TMOD2: variants seen among roughly 807,000 people sequenced by gnomAD.
TMOD2 encodes tropomodulin 2, also known as tropomodulin-2.
In TMOD2, 22 loss-of-function variants were observed where a neutral mutation model predicts 39.9. That is an observed-to-expected ratio of 0.55 (90% CI 0.39 to 0.79). The LOEUF (loss-of-function observed/expected upper bound fraction) is 0.79. Among genes scored for constraint, TMOD2 ranks in the 30% least tolerant of loss-of-function variants. The pLI is 0.00. For missense variants in TMOD2, 386 were observed against 413.3 expected, an observed-to-expected ratio of 0.93 and a Z score of 0.57; for synonymous variants, 123 against 146.1, an observed-to-expected ratio of 0.84 and a Z score of 1.14.
intron 3 of TMOD2, among the ~76,000 whole-genome samples, chr15:51,769,922 C>G (rs1416222865): frequency 6.6e-6 from 1 of 152,040 alleles, no homozygotes; most frequent in Non-Finnish European, 1.5e-5. Context: ...TTCCCAGTTA[C>G]TTAGGAGCTG....
At chr15:51,769,148 T>C (rs1477196295) in intron 3 of TMOD2, among the ~76,000 whole-genome samples, 1 of 152,222 alleles carries the variant, frequency 6.6e-6, no homozygotes, top group East Asian at 1.9e-4. Context: ...GGCTAACTGC[T>C]TATGGTGTGA....
At chr15:51,806,332 C>G (rs762142753) in intron 8 of TMOD2, 45 bp from the exon 9 acceptor site, 1 of 1,605,942 alleles carries the variant, frequency 6.2e-7, no homozygotes, top group Non-Finnish European at 8.5e-7. Context: ...ACTGTTTCCT[C>G]TTCCTTCTTG....
At chr15:51,788,709 T>C (rs2055988408) in intron 7 of TMOD2, among the ~76,000 whole-genome samples, 1 of 152,182 alleles carries the variant, frequency 6.6e-6, no homozygotes, top group African/African-American at 2.4e-5. Context: ...TATTCAACAT[T>C]CTTAAAGAAA....
chr15:51,778,431 A>C (rs1397750033), intron 5 of TMOD2, among the ~76,000 whole-genome samples: 2 of 151,098 alleles, frequency 1.3e-5, no homozygotes, highest in East Asian at 3.9e-4. Flanking sequence ...ACACATGTAT[A>C]CATATGTAAC....
intron 7 of TMOD2, among the ~76,000 whole-genome samples, chr15:51,793,300 C>T (rs1009422577): frequency 6.6e-6 from 1 of 152,146 alleles, no homozygotes; most frequent in Non-Finnish European, 1.5e-5. Context: ...GTCAGGGACT[C>T]TCTGTATTGT....
chr15:51,797,159 T>C (rs2056056993), intron 7 of TMOD2, among the ~76,000 whole-genome samples: 1 of 152,246 alleles, frequency 6.6e-6, no homozygotes, highest in Admixed American at 6.5e-5. Context: ...GGGAATACTG[T>C]ACTTCATTCC....
At chr15:51,801,235 T>TCACA (rs745892590) in intron 8 of TMOD2, among the ~76,000 whole-genome samples, 4,005 of 108,556 alleles carry the variant, frequency 0.037, 53 homozygotes, top group Non-Finnish European at 0.046. Flanking sequence ...TCTCTCTCTC[T>TCACA]CTCACACACA....
At chr15:51,777,440 C>T (rs2055897181) in intron 5 of TMOD2, among the ~76,000 whole-genome samples, 1 of 152,110 alleles carries the variant, frequency 6.6e-6, no homozygotes, top group Non-Finnish European at 1.5e-5. Context: ...CTTTTTGTCT[C>T]AATAATAGAT....
intron 3 of TMOD2, among the ~76,000 whole-genome samples, chr15:51,772,674 A>G (rs1175243872): frequency 6.6e-6 from 1 of 152,194 alleles, no homozygotes; most frequent in East Asian, 1.9e-4. Context: ...CTCCGAGTAT[A>G]GTGACCCTGA....
intron 1 of TMOD2, among the ~76,000 whole-genome samples, chr15:51,760,349 C>T (rs756317668): frequency 6.4e-4 from 97 of 152,232 alleles, no homozygotes; most frequent in Admixed American, 1.0e-3. Context: ...TTCCCAGCCT[C>T]CAGAGGCTGC....
At chr15:51,767,804 C>A (rs1225356600) in intron 2 of TMOD2, among the ~76,000 whole-genome samples, 3 of 152,134 alleles carry the variant, frequency 2.0e-5, no homozygotes, top group Non-Finnish European at 4.4e-5. Flanking sequence ...AGGAAGGAAT[C>A]TGAAAGCTTT....
intron 8 of TMOD2, among the ~76,000 whole-genome samples, chr15:51,804,252 G>T (rs888289702): frequency 6.6e-6 from 1 of 152,168 alleles, no homozygotes; most frequent in Non-Finnish European, 1.5e-5. Flanking sequence ...ACTGCAATGG[G>T]ATTTGGCATA....
intron 4 of TMOD2, among the ~76,000 whole-genome samples, chr15:51,776,293 C>G (rs1423760273): frequency 1.3e-5 from 2 of 152,232 alleles, no homozygotes; most frequent in African/African-American, 4.8e-5. Context: ...AAAGGGAAAT[C>G]TGCGTAGCAG....
At chr15:51,778,158 T>TA (rs1487517292) in intron 5 of TMOD2, among the ~76,000 whole-genome samples, 4 of 151,460 alleles carry the variant, frequency 2.6e-5, no homozygotes, top group Non-Finnish European at 5.9e-5. Flanking sequence ...TATGCAGCCA[T>TA]AAAAAATGAT....
At chr15:51,753,744 T>C (rs1414675387) in intron 1 of TMOD2, among the ~76,000 whole-genome samples, 1 of 151,198 alleles carries the variant, frequency 6.6e-6, no homozygotes, top group East Asian at 1.9e-4. Flanking sequence ...CATCTGCAAC[T>C]TTCAGCTGTG....
At chr15:51,762,065 C>T (rs1595862083) in intron 1 of TMOD2, among the ~76,000 whole-genome samples, 1 of 151,482 alleles carries the variant, frequency 6.6e-6, no homozygotes, top group African/African-American at 2.4e-5. Context: ...AGGAGAATGG[C>T]ATGAACCCGG....
intron 9 of TMOD2, among the ~76,000 whole-genome samples, chr15:51,807,813 G>A (rs935170347): frequency 1.3e-5 from 2 of 152,170 alleles, no homozygotes; most frequent in Admixed American, 6.5e-5. Context: ...CCTGCAGTTG[G>A]GAGAGTGAAA....
At position 51,815,027 on chromosome 15, in the gene TMOD2, G is replaced by A. The variant is rs1199625723; in HGVS notation, c.*6573G>A. 1 of 152,208 alleles carries A rather than the reference G, an allele frequency of 6.6e-6. No homozygotes were observed. The highest frequency in any genetic ancestry group is 6.5e-5 in the Admixed American group (1 of 15,270). 9.4% of individuals were successfully genotyped at this position (152,208 alleles called of 1,614,324 possible). A position where few individuals can be genotyped will look rare whatever the true frequency, so the allele number is the denominator to read the frequency against. ...CTGTAATCCCAGCACTTTGGGAGGT[G>A]AAGGTGGGTGGATCACCTGAGGTCA... On this transcript the variant is annotated 3_prime_UTR_variant, in exon 10 of 10. Transcript: ENST00000249700.
At chr15:51,793,808 C>T (rs549094564) in intron 7 of TMOD2, among the ~76,000 whole-genome samples, 1 of 152,308 alleles carries the variant, frequency 6.6e-6, no homozygotes, top group East Asian at 1.9e-4. Context: ...GGCCTAATTG[C>T]TCTGACATTT....
Sources: gnomAD v4.1 joint callset for allele counts (sites outside exome capture counted in the v4.1 genomes callset) on GRCh38, gnomAD v4.1.1 for gene constraint, MANE v1.5 for transcripts, NCBI Gene and HGNC (gene_info 2026-07-23, HGNC 2026-07-21) for gene names.